MFSD6: variants seen among roughly 807,000 people sequenced by gnomAD.
The protein encoded by MFSD6 is major facilitator superfamily domain containing 6, also known as major facilitator superfamily domain-containing protein 6.
A neutral mutation model predicts 56.3 loss-of-function variants in MFSD6; 26 were observed. That is an observed-to-expected ratio of 0.46 (90% CI 0.34 to 0.64). The LOEUF (loss-of-function observed/expected upper bound fraction) is 0.64, where lower values mean the gene tolerates loss of function less well. Among genes scored for constraint, MFSD6 ranks in the 30% least tolerant of loss-of-function variants. The pLI, the probability that MFSD6 is intolerant of heterozygous loss-of-function variation, is 0.01. For synonymous variants in MFSD6, 331 were observed against 366.9 expected (o/e 0.90, Z 1.12); for missense variants, 750 against 986.2 (o/e 0.76, Z 3.21).
rs1055340649 is a variant in MFSD6 at position 190,447,064 on chromosome 2, G to C, written c.1532+9503G>C. Among the ~76,000 whole-genome samples the C allele has an allele frequency of 6.6e-6, 1 of 151,492 alleles. No homozygotes were observed. Among genetic ancestry groups the C allele is most frequent in the Non-Finnish European group, 1.5e-5 (1 of 67,878 alleles). ...TTTCAGAGAAAACTAAAAATATGCA[G>C]TCTCTCTCTGATTCATAGGCTCAGT... On this transcript the variant is annotated intron_variant, in intron 3 of 7. Transcript: ENST00000392328. This position sits in a 1 kb window ranked among gnomAD's most constrained non-coding sequence, Gnocchi z 4.5.
rs991902883 is a variant in MFSD6 at position 190,418,019 on chromosome 2, A to T, written c.-54+2606A>T. 4.0e-5 allele frequency among the ~76,000 whole-genome samples: 6 copies of T among 149,052 alleles called. No homozygotes were observed. Among genetic ancestry groups the T allele is most frequent in the African/African-American group, 1.5e-4 (6 of 40,184 alleles). On this transcript the variant is annotated intron_variant, in intron 2 of 7. Coordinates refer to ENST00000392328, the MANE Select transcript of MFSD6 (RefSeq NM_017694.4). This position sits in a 1 kb window ranked among gnomAD's most constrained non-coding sequence, Gnocchi z 4.1. ...GTGTGTGTATGTGAGAGAGAGAGAG[A>T]TGTGGTTTATCATTGCTTGTCAATG...
rs143136702 is a variant in MFSD6, at chr2:190,487,198, G to A, written c.1631-1459G>A. On this transcript the variant is annotated intron_variant, in intron 4 of 7. Coordinates refer to ENST00000392328, the MANE Select transcript of MFSD6 (RefSeq NM_017694.4). This position sits in a 1 kb window ranked among gnomAD's most constrained non-coding sequence, Gnocchi z 5.5. ...TCTACTAAAAATACAAAAATTAGCT[G>A]GGGGTGGTGGCGGGCACTTGTAGTC... 2.7e-4 allele frequency among the ~76,000 whole-genome samples: 41 copies of A among 152,182 alleles called. 1 individual carries two copies. The East Asian group carries it at 7.9e-3, about 29-fold the overall frequency.
At chr2:190,453,001 C>G (rs192511240) in intron 3 of MFSD6, among the ~76,000 whole-genome samples, 7 of 152,080 alleles carry the variant, frequency 4.6e-5, no homozygotes, top group Admixed American at 3.3e-4. Context: ...AGTGATTGTT[C>G]TAGGGTTGCA....
At chr2:190,453,988 CT>C (rs1686881230) in intron 3 of MFSD6, 2 of 152,116 alleles carry the variant, frequency 1.3e-5, no homozygotes, top group African/African-American at 4.8e-5. Context: ...ATTCTTGTAT[CT>C]TTTATAGGGA....
rs1690893629 is a variant in MFSD6, at chr2:190,418,733, G to A, written c.-54+3320G>A. On this transcript the variant is annotated intron_variant, in intron 2 of 7. Transcript: ENST00000392328. The surrounding 1 kb of genome is among the most constrained non-coding windows in gnomAD (Gnocchi z 4.1). ...GATTGTGCCACTGCGCTCCAGCCTGGGTGGCAGAAGGAGCCCCTATCTAAA... is the reference window on the plus strand; with the variant it reads ...GATTGTGCCACTGCGCTCCAGCCTGAGTGGCAGAAGGAGCCCCTATCTAAA... Among the ~76,000 whole-genome samples the A allele has an allele frequency of 6.6e-6, 1 of 152,212 alleles. No individual in the cohort carries two copies. Among genetic ancestry groups the A allele is most frequent in the South Asian group, 2.1e-4 (1 of 4,834 alleles).
chr2:190,475,842 T>C (rs1688274281), intron 4 of MFSD6, among the ~76,000 whole-genome samples: 2 of 152,130 alleles, frequency 1.3e-5, no homozygotes, highest in African/African-American at 4.8e-5. Flanking sequence ...CAAAACAGCA[T>C]GGTACTGGTA....
At chr2:190,486,854 A>G (rs1328898765) in intron 4 of MFSD6, among the ~76,000 whole-genome samples, 1 of 152,232 alleles carries the variant, frequency 6.6e-6, no homozygotes, top group Non-Finnish European at 1.5e-5. Context: ...CTGTTGTGAC[A>G]ATATCTGGTT....
At chr2:190,482,058 TAGG>T (rs66762806) in intron 4 of MFSD6, among the ~76,000 whole-genome samples, 46,855 of 151,784 alleles carry the variant, frequency 0.31, 7,944 homozygotes, top group Admixed American at 0.47. Context: ...GCAGAAATGA[TAGG>T]AGGAAAGGAT....
chr2:190,435,892 C>T (rs1262433287), intron 2 of MFSD6, 85 bp from the exon 3 acceptor site: 10 of 1,148,716 alleles, frequency 8.7e-6, no homozygotes, highest in African/African-American at 1.5e-5. Flanking sequence ...TAGTTTGTAA[C>T]TGCTTAATTT....
intron 3 of MFSD6, among the ~76,000 whole-genome samples, chr2:190,441,669 C>G (rs1050625461): frequency 6.6e-6 from 1 of 152,070 alleles, no homozygotes; most frequent in African/African-American, 2.4e-5. Flanking sequence ...AGTCCTCTCT[C>G]TCTGTAGCTT....
rs963644031 is a variant in MFSD6, at chr2:190,494,333, G to A, written c.1892-3106G>A. Among the ~76,000 whole-genome samples the A allele has an allele frequency of 1.3e-5, 2 of 151,964 alleles. No homozygotes were observed. The highest frequency in any genetic ancestry group is 6.6e-5 in the Admixed American group (1 of 15,246). On this transcript the variant is annotated intron_variant, in intron 6 of 7. Transcript: ENST00000392328. The surrounding 1 kb of genome is among the most constrained non-coding windows in gnomAD (Gnocchi z 5.7). Reference sequence around the variant, plus strand: ...TTAGAAACCCTGAACAGACAACTAAGTAGTGAGACTGAATCAGTAATAAAA... The same window carrying A: ...TTAGAAACCCTGAACAGACAACTAAATAGTGAGACTGAATCAGTAATAAAA...
chr2:190,455,316 G>T (rs774203798), intron 3 of MFSD6, among the ~76,000 whole-genome samples: 1 of 152,046 alleles, frequency 6.6e-6, no homozygotes, highest in African/African-American at 2.4e-5. Flanking sequence ...AACGTTTTAA[G>T]TATAGGTATA....
At chr2:190,472,889 G>A (rs1033501730) in intron 4 of MFSD6, among the ~76,000 whole-genome samples, 3 of 152,120 alleles carry the variant, frequency 2.0e-5, no homozygotes, top group African/African-American at 7.2e-5. Flanking sequence ...GGTGATCTCT[G>A]GGCAGAAACT....
rs1685760583 is a variant in MFSD6, at chr2:190,425,512, C to G, written c.-54+10099C>G. 6.6e-6 allele frequency among the ~76,000 whole-genome samples: 1 copy of G among 152,128 alleles called. No homozygotes were observed. The highest frequency in any genetic ancestry group is 2.4e-5 in the African/African-American group (1 of 41,440). On this transcript the variant is annotated intron_variant, in intron 2 of 7. Transcript: ENST00000392328. This position sits in a 1 kb window ranked among gnomAD's most constrained non-coding sequence, Gnocchi z 4.3. ...CAAATTGAGAACATTCCCCTCTGTT[C>G]TTAGTTTTCTGAGACTTTTACCTCA...
chr2:190,436,174 A>G lies in MFSD6; in HGVS notation c.145A>G (p.Ile49Val). ...ACCTTCCTCCACAGAAACATCTGCT[A>G]TTCCTGAGGAGGAAATAGACTGGAT... ...ETPSSTETSA[I>V]PEEEIDWIEK... is the part of the protein sequence containing the mutation. Residue 49 changes from isoleucine to valine, a missense_variant, in exon 3 of 8, where the codon ATT becomes GTT. Physicochemically the swap from Ile to Val is conservative, Grantham distance 29 (BLOSUM62 3). Transcript: ENST00000392328. The surrounding 1 kb of genome is among the most constrained non-coding windows in gnomAD (Gnocchi z 5.3). 1 of 1,614,098 alleles carries G rather than the reference A, an allele frequency of 6.2e-7. No homozygotes were observed. Among genetic ancestry groups the G allele is most frequent in the Non-Finnish European group, 8.5e-7 (1 of 1,179,892 alleles).
intron 3 of MFSD6, among the ~76,000 whole-genome samples, chr2:190,445,409 TTC>T (rs1178373712): frequency 6.6e-6 from 1 of 151,774 alleles, no homozygotes; most frequent in Admixed American, 6.6e-5. Context: ...CTTAAATATG[TTC>T]TGTCTCCTTT....
rs1183739974 is a variant in MFSD6 at position 190,461,018 on chromosome 2, A to G, written c.1533-8740A>G. On this transcript the variant is annotated intron_variant, in intron 3 of 7. Coordinates refer to ENST00000392328, the MANE Select transcript of MFSD6 (RefSeq NM_017694.4). The surrounding 1 kb of genome is among the most constrained non-coding windows in gnomAD (Gnocchi z 5.5). ...CATTTCTTTGTCCAGGAAGAAAATG[A>G]TTATGGCAACACTATTTCCTATGTC... is the stretch of plus-strand genomic sequence containing the variant. Among the ~76,000 whole-genome samples the G allele has an allele frequency of 6.6e-6, 1 of 152,208 alleles. No homozygotes were observed. The highest frequency in any genetic ancestry group is 1.9e-4 in the East Asian group (1 of 5,208).
chr2:190,500,577 G>A lies in MFSD6; in HGVS notation c.*359G>A. 4.9e-6 allele frequency: 1 copy of A among 202,386 alleles called. No individual in the cohort carries two copies. Among genetic ancestry groups the A allele is most frequent in the Non-Finnish European group, 1.0e-5 (1 of 98,870 alleles). The allele number at this position is 202,386 out of a possible 1,614,324, so 12.5% of individuals were successfully genotyped here. ...GGAATGAAAGTGTTTCGAGGTGAAT[G>A]TGGATATAATTTCCCTCTTCTGATT... On this transcript the variant is annotated 3_prime_UTR_variant, in exon 8 of 8. Coordinates refer to ENST00000392328, the MANE Select transcript of MFSD6 (RefSeq NM_017694.4). This position sits in a 1 kb window ranked among gnomAD's most constrained non-coding sequence, Gnocchi z 5.3.
In MFSD6 at chr2:190,498,916, G is replaced by A. The variant is rs1574273722; in HGVS notation, c.2173-1099G>A. Among the ~76,000 whole-genome samples the A allele has an allele frequency of 1.3e-5, 2 of 151,848 alleles. No individual in the cohort carries two copies. The highest frequency in any genetic ancestry group is 2.9e-5 in the Non-Finnish European group (2 of 67,972). On this transcript the variant is annotated intron_variant, in intron 7 of 7. Transcript: ENST00000392328. The surrounding 1 kb of genome is among the most constrained non-coding windows in gnomAD (Gnocchi z 5.9). Reference sequence around the variant, plus strand: ...TGTAATCCAAGCACTTTGGGAGGCCGAGGTGGGTGGATCACGAGGTCAGGA... The same window carrying A: ...TGTAATCCAAGCACTTTGGGAGGCCAAGGTGGGTGGATCACGAGGTCAGGA...
Sources: allele counts gnomAD v4.1 joint callset (sites outside exome capture counted in the v4.1 genomes callset), GRCh38; gene constraint gnomAD v4.1.1; non-coding constraint Gnocchi (gnomAD v3.1); transcripts MANE v1.5; gene names NCBI Gene and HGNC (gene_info 2026-07-23, HGNC 2026-07-21).